The following PKIB variants were observed in gnomAD, a reference collection of about 807,000 sequenced individuals.
PKIB encodes cAMP-dependent protein kinase inhibitor beta.
A neutral mutation model predicts 4.5 loss-of-function variants in PKIB; 2 were observed. The observed-to-expected ratio is 0.44, with a 90% CI of 0.18 to 1.39. The LOEUF is 1.39. Among genes scored for constraint, PKIB ranks in the 40% most tolerant of loss-of-function variants. PKIB has a pLI of 0.27. For synonymous variants in PKIB, 38 were observed against 36.0 expected (o/e 1.06, Z -0.20); for missense variants, 94 against 92.6 (o/e 1.02, Z -0.06).
Position 122,507,669 on chromosome 6 carries a change from A to AT in PKIB, c.-248+29745dup, listed in dbSNP as rs576003513. Among the ~76,000 whole-genome samples, 620 of 142,182 alleles carry AT rather than the reference A, an allele frequency of 4.4e-3. 4 individuals are homozygous for AT. Among genetic ancestry groups the AT allele is most frequent in the African/African-American group, 0.013 (515 of 38,542 alleles). 93.3% of individuals were successfully genotyped at this position (142,182 alleles called of 152,430 possible). On this transcript the variant is annotated intron_variant, in intron 2 of 6. Coordinates refer to the PKIB transcript ENST00000392491. ...CGGGGGTGGAAATCTTGGCTTAAAAATTTTTTTTTTTTTTTGGAATTTTGT... is the reference window on the plus strand; with the variant it reads ...CGGGGGTGGAAATCTTGGCTTAAAAATTTTTTTTTTTTTTTTGGAATTTTGT...
At chr6:122,506,291 G>A (rs1215820301) in intron 2 of PKIB, among the ~76,000 whole-genome samples, 1 of 152,248 alleles carries the variant, frequency 6.6e-6, no homozygotes, top group Non-Finnish European at 1.5e-5. Context: ...TAACATAAAA[G>A]GAGGTTTGAC....
At chr6:122,634,895 T>TCACA in intron 2 of PKIB, among the ~76,000 whole-genome samples, 1 of 149,476 alleles carries the variant, frequency 6.7e-6, no homozygotes, top group Non-Finnish European at 1.5e-5. Context: ...TGAGCCGAGA[T>TCACA]CACACCACTG....
At chr6:122,716,242 C>T (rs9490535) in intron 3 of PKIB, among the ~76,000 whole-genome samples, 6,784 of 152,234 alleles carry the variant, frequency 0.045, 309 homozygotes, top group African/African-American at 0.12. Context: ...GCTTCACCAG[C>T]ATCCTGTGAA....
At chr6:122,482,544 A>AT (rs571676167) in intron 2 of PKIB, 49,935 of 103,340 alleles carry the variant, frequency 0.48, 12,878 homozygotes, top group South Asian at 0.56. Context: ...TTTAGGTTGG[A>AT]TTTTTTTTTT....
At chr6:122,723,177 C>T (rs997858668) in intron 4 of PKIB, among the ~76,000 whole-genome samples, 1 of 152,148 alleles carries the variant, frequency 6.6e-6, no homozygotes. Context: ...TCAACACTCC[C>T]TCACTTGTGA....
chr6:122,553,945 C>T (rs994107553), intron 2 of PKIB, among the ~76,000 whole-genome samples: 6 of 152,138 alleles, frequency 3.9e-5, no homozygotes, highest in African/African-American at 1.4e-4. Flanking sequence ...GTGAATGGAG[C>T]AAAGTGACAC....
At chr6:122,512,825 G>A (rs528625166) in intron 2 of PKIB, among the ~76,000 whole-genome samples, 2 of 152,332 alleles carry the variant, frequency 1.3e-5, no homozygotes, top group South Asian at 4.1e-4. Context: ...AATTGCCCAA[G>A]AGGGCAAGTC....
At chr6:122,537,761 C>A (rs1777451107) in intron 2 of PKIB, among the ~76,000 whole-genome samples, 1 of 152,098 alleles carries the variant, frequency 6.6e-6, no homozygotes, top group African/African-American at 2.4e-5. Flanking sequence ...ACACTGACTT[C>A]CACAATGGTT....
At chr6:122,709,844 T>C (rs1277622524) in intron 3 of PKIB, among the ~76,000 whole-genome samples, 1 of 152,204 alleles carries the variant, frequency 6.6e-6, no homozygotes, top group Non-Finnish European at 1.5e-5. Flanking sequence ...AGGGTCGTAC[T>C]GTATGAGTTT....
chr6:122,725,410 A>C lies in PKIB; in HGVS notation c.*215A>C, dbSNP rs1327165367. On this transcript the variant is annotated 3_prime_UTR_variant, in exon 5 of 5. Transcript: ENST00000368452. ...AAAAGGCAGGTTACTTCCAAATCGC[A>C]CTGAAGGAAAAGGTTAAGAATAATA... 5.8e-6 allele frequency: 3 copies of C among 521,418 alleles called. No homozygotes were observed. The highest frequency in any genetic ancestry group is 5.7e-5 in the African/African-American group (3 of 52,714). The allele number at this position is 521,418 out of a possible 1,614,324, so 32.3% of individuals were successfully genotyped here.
intron 2 of PKIB, among the ~76,000 whole-genome samples, chr6:122,486,603 G>T (rs1338558638): frequency 6.6e-6 from 1 of 150,430 alleles, no homozygotes; most frequent in African/African-American, 2.4e-5. Context: ...TTTATCTCTT[G>T]TTTCTTTCTA....
At position 122,714,799 on chromosome 6, in the gene PKIB, A is replaced by C. The variant is rs569598898; in HGVS notation, c.-8-2988A>C. 5.9e-5 allele frequency among the ~76,000 whole-genome samples: 9 copies of C among 152,198 alleles called. No homozygotes were observed. In the South Asian group the frequency reaches 1.9e-3, roughly 32 times the overall value. ...ATGACACAAGTTTACCTACGTAACA[A>C]ACTTTCACGTCTTGCTCTATCACCC... On this transcript the variant is annotated intron_variant, in intron 3 of 4. Transcript: ENST00000368452.
Position 122,687,062 on chromosome 6 carries a change from T to C in PKIB, c.-9+11918T>C, listed in dbSNP as rs576753744. 3.3e-5 allele frequency among the ~76,000 whole-genome samples: 5 copies of C among 152,300 alleles called. No homozygotes were observed. The East Asian group carries it at 9.7e-4, about 29-fold the overall frequency. On this transcript the variant is annotated intron_variant, in intron 3 of 4. Coordinates refer to ENST00000368452, the MANE Select transcript of PKIB (RefSeq NM_181795.3). ...TGCCCATTTCAGTATCCTGGAGAGTTTTCTCAATGTTTTCCTTTAGTAGTT... is the reference window on the plus strand; with the variant it reads ...TGCCCATTTCAGTATCCTGGAGAGTCTTCTCAATGTTTTCCTTTAGTAGTT...
At chr6:122,682,169 T>C (rs1405823726) in intron 3 of PKIB, among the ~76,000 whole-genome samples, 1 of 152,122 alleles carries the variant, frequency 6.6e-6, no homozygotes, top group African/African-American at 2.4e-5. Flanking sequence ...AGTCTATAAT[T>C]CTAAATGGAA....
At chr6:122,661,747 T>C (rs1013139297) in intron 2 of PKIB, among the ~76,000 whole-genome samples, 4 of 152,216 alleles carry the variant, frequency 2.6e-5, no homozygotes, top group African/African-American at 9.6e-5. Flanking sequence ...GGTAACTCTA[T>C]GTTTAACAGT....
intron 2 of PKIB, chr6:122,643,818 T>C (rs908548047): frequency 4.6e-5 from 7 of 152,170 alleles, no homozygotes; most frequent in African/African-American, 1.7e-4. Flanking sequence ...AAATCACTAT[T>C]TAAAAGCTGC....
At chr6:122,520,796 AT>A (rs906187415) in intron 2 of PKIB, among the ~76,000 whole-genome samples, 2 of 152,082 alleles carry the variant, frequency 1.3e-5, no homozygotes, top group Admixed American at 1.3e-4. Flanking sequence ...CAATCAACAC[AT>A]TTTTTGCCAA....
chr6:122,541,629 T>C (rs911173550), intron 2 of PKIB, among the ~76,000 whole-genome samples: 4 of 151,942 alleles, frequency 2.6e-5, no homozygotes, highest in African/African-American at 9.7e-5. Context: ...TTTCCTTCAT[T>C]TCAACTTTGG....
chr6:122,724,485 G>A (rs982037649), intron 4 of PKIB, among the ~76,000 whole-genome samples: 20 of 152,220 alleles, frequency 1.3e-4, no homozygotes, highest in South Asian at 6.2e-4. Context: ...TTGAACAAGC[G>A]TACTGCATTT....
Sources: allele counts gnomAD v4.1 joint callset (sites outside exome capture counted in the v4.1 genomes callset), GRCh38; gene constraint gnomAD v4.1.1; transcripts MANE v1.5; gene names NCBI Gene and HGNC (gene_info 2026-07-23, HGNC 2026-07-21).